AGPS: variants seen among roughly 807,000 people sequenced by gnomAD.
The protein encoded by AGPS is alkylglycerone phosphate synthase.
Under a neutral mutation model 90.7 loss-of-function variants are expected in AGPS, and 26 were observed. The ratio of observed to expected loss-of-function variants is 0.29; its 90% CI spans 0.21 to 0.40. The LOEUF (loss-of-function observed/expected upper bound fraction) is 0.40. Ranked by LOEUF, AGPS falls within the 10% of genes least tolerant of loss-of-function variation. AGPS has a pLI of 1.00. For missense variants in AGPS, 540 were observed against 816.1 expected, an observed-to-expected ratio of 0.66 and a Z score of 4.12; for synonymous variants, 294 against 285.3, an observed-to-expected ratio of 1.03 and a Z score of -0.31.
chr2:177,424,787 G>A (rs1686031830), intron 2 of AGPS, among the ~76,000 whole-genome samples: 2 of 152,164 alleles, frequency 1.3e-5, no homozygotes, highest in African/African-American at 2.4e-5. Context: ...TCTGACGTGA[G>A]GTGGTATCTC....
intron 4 of AGPS, 22 bp from the exon 5 acceptor site, chr2:177,436,958 C>CT (rs763109096): frequency 6.2e-6 from 10 of 1,611,210 alleles, no homozygotes; most frequent in Middle Eastern, 1.7e-4. Context: ...TTGTGTTTTT[C>CT]TTTTTTTTAA....
intron 8 of AGPS, among the ~76,000 whole-genome samples, chr2:177,454,400 C>A (rs138451609): frequency 2.0e-5 from 3 of 151,682 alleles, no homozygotes; most frequent in Non-Finnish European, 2.9e-5. Flanking sequence ...TTAATTTGGG[C>A]CTTTTTATAT....
chr2:177,519,541 T>C (rs73976751), intron 17 of AGPS, among the ~76,000 whole-genome samples: 6 of 152,342 alleles, frequency 3.9e-5, no homozygotes, highest in African/African-American at 9.6e-5. Context: ...GCATTTAAAT[T>C]ATCTGTGTAG....
In AGPS at chr2:177,493,151, T is replaced by C; in HGVS notation, c.1237T>C (p.Cys413Arg). ...ACLREIAKQRCAPASIRLMDN... is the reference protein window; with the variant it reads ...ACLREIAKQRRAPASIRLMDN... ...TTTTTTTTTCTTTTTAAAACAGAGA[T>C]GTGCTCCGGCATCTATTCGCCTCAT... The change falls in exon 12 of 20, where the codon TGT (cysteine) becomes CGT (arginine). Residue 413 changes from cysteine to arginine, a missense_variant. By Grantham distance (180) the Cys-to-Arg change is radical (BLOSUM62 -3). Around this residue, in one of 2 missense-constraint regions of AGPS, gnomAD observed 405 missense variants for 692.1 expected, o/e 0.59. Coordinates refer to ENST00000264167, the MANE Select transcript of AGPS (RefSeq NM_003659.4). The C allele has an allele frequency of 1.2e-6, 2 of 1,612,878 alleles. No homozygotes were observed. Among genetic ancestry groups the C allele is most frequent in the Non-Finnish European group, 8.5e-7 (1 of 1,179,308 alleles).
Position 177,521,350 on chromosome 2 carries a change from C to A in AGPS, c.1779C>A (p.Thr593=), listed in dbSNP as rs753841033. ...FNYRGISDPL[T]VFEQTEAAAR... Reference sequence around the variant, plus strand: ...ACAGGGGAATTAGTGACCCACTGACCGTATTTGAACAAACTGAGGTAATTT... The same window carrying A: ...ACAGGGGAATTAGTGACCCACTGACAGTATTTGAACAAACTGAGGTAATTT... Residue 593 remains threonine (T), a synonymous_variant, in exon 18 of 20, where the codon ACC becomes ACA. Coordinates refer to ENST00000264167, the MANE Select transcript of AGPS (RefSeq NM_003659.4). 2 of 1,613,494 alleles carry A rather than the reference C, an allele frequency of 1.2e-6. No homozygotes were observed. The highest frequency in any genetic ancestry group is 1.7e-6 in the Non-Finnish European group (2 of 1,179,488).
At chr2:177,486,169 G>A (rs1220678597) in intron 11 of AGPS, among the ~76,000 whole-genome samples, 2 of 152,118 alleles carry the variant, frequency 1.3e-5, no homozygotes, top group Non-Finnish European at 2.9e-5. Context: ...TTCTATTCTC[G>A]AGCATTGCTC....
intron 7 of AGPS, among the ~76,000 whole-genome samples, chr2:177,443,888 C>A (rs937828157): frequency 3.3e-5 from 5 of 152,060 alleles, no homozygotes; most frequent in Admixed American, 6.6e-5. Flanking sequence ...GTTTTTTCTG[C>A]TTCTTTTAAT....
chr2:177,468,472 A>G lies in AGPS; in HGVS notation c.1053A>G (p.Gly351=), dbSNP rs1220820914. The change falls in exon 10 of 20, where the codon GGA becomes GGG. Residue 351 remains glycine (G), a synonymous_variant. Coordinates refer to ENST00000264167, the MANE Select transcript of AGPS (RefSeq NM_003659.4). ...PRGIIEKSCQ[G]PRMSTGPDIH... ...GTATAATAGAAAAAAGCTGTCAAGG[A>G]CCTCGTATGTCAACAGGCCCTGATA... 1 of 1,612,734 alleles carries G rather than the reference A, an allele frequency of 6.2e-7. No individual in the cohort carries two copies.
chr2:177,428,814 G>A (rs1161157562), intron 2 of AGPS, among the ~76,000 whole-genome samples: 3 of 152,072 alleles, frequency 2.0e-5, no homozygotes, highest in African/African-American at 7.2e-5. Flanking sequence ...ATCTCATGGA[G>A]TATCTTACTG....
At chr2:177,464,680 C>T (rs111940243) in intron 9 of AGPS, among the ~76,000 whole-genome samples, 3,774 of 152,328 alleles carry the variant, frequency 0.025, 81 homozygotes, top group African/African-American at 0.052. Context: ...TCTTCACTAA[C>T]GGATTTCCTG....
chr2:177,522,456 G>T (rs1420249511), intron 18 of AGPS, among the ~76,000 whole-genome samples: 1 of 152,066 alleles, frequency 6.6e-6, no homozygotes, highest in African/African-American at 2.4e-5. Flanking sequence ...CCTAAGTAAT[G>T]AGGGTTTTTT....
At chr2:177,502,461 G>T (rs1688587610) in intron 14 of AGPS, among the ~76,000 whole-genome samples, 1 of 146,018 alleles carries the variant, frequency 6.8e-6, no homozygotes, top group Admixed American at 6.9e-5. Flanking sequence ...CACTCAGGCT[G>T]GAGTGCAGTG....
At chr2:177,513,599 C>G (rs1420365206) in intron 16 of AGPS, among the ~76,000 whole-genome samples, 1 of 152,022 alleles carries the variant, frequency 6.6e-6, no homozygotes, top group Non-Finnish European at 1.5e-5. Context: ...TTTCTGTTTT[C>G]CTTAAGTCAA....
At chr2:177,502,365 T>C (rs1230832316) in intron 14 of AGPS, among the ~76,000 whole-genome samples, 1 of 151,736 alleles carries the variant, frequency 6.6e-6, no homozygotes, top group Non-Finnish European at 1.5e-5. Flanking sequence ...ACAACCCAGA[T>C]TGTTATTTGG....
chr2:177,509,482 C>T (rs1035089936), intron 16 of AGPS, among the ~76,000 whole-genome samples: 2 of 151,892 alleles, frequency 1.3e-5, no homozygotes, highest in East Asian at 1.9e-4. Context: ...CTGGCTAACA[C>T]GGTGAAACCT....
At chr2:177,531,433 G>A (rs138576964) in intron 19 of AGPS, among the ~76,000 whole-genome samples, 206 of 152,170 alleles carry the variant, frequency 1.4e-3, no homozygotes, top group African/African-American at 4.9e-3. Flanking sequence ...CATAAATCTA[G>A]CAAAATATAT....
chr2:177,402,165 G>A lies in AGPS; in HGVS notation c.260+9116G>A, dbSNP rs904247461. Among the ~76,000 whole-genome samples, 4 of 152,168 alleles carry A rather than the reference G, an allele frequency of 2.6e-5. No individual in the cohort carries two copies. In the East Asian group the frequency reaches 7.7e-4, roughly 29 times the overall value. On this transcript the variant is annotated intron_variant, in intron 1 of 19. Coordinates refer to ENST00000264167, the MANE Select transcript of AGPS (RefSeq NM_003659.4). The stretch of plus-strand genomic sequence containing the variant: ...AAAAGTAGAGAGGGTAAGGAGGTAG[G>A]GTTCAAATTTTAAGAAGGATGTCAA...
intron 8 of AGPS, 109 bp downstream of exon 8, chr2:177,445,735 ATACCTTTTATGATAC>A: frequency 1.4e-6 from 1 of 709,944 alleles, no homozygotes; most frequent in South Asian, 2.1e-5. Flanking sequence ...TATGAATGAA[ATACCTTTTATGATAC>A]ATTCATTCAC....
At chr2:177,472,126 T>C (rs1323498619) in intron 10 of AGPS, among the ~76,000 whole-genome samples, 1 of 151,906 alleles carries the variant, frequency 6.6e-6, no homozygotes, top group East Asian at 1.9e-4. Flanking sequence ...GGTTTTTTTT[T>C]TCATTGTTTC....
Sources: allele counts gnomAD v4.1 joint callset (sites outside exome capture counted in the v4.1 genomes callset), GRCh38; gene constraint gnomAD v4.1.1; regional missense constraint gnomAD v4.1.1; transcripts MANE v1.5; gene names NCBI Gene and HGNC (gene_info 2026-07-23, HGNC 2026-07-21).